CSMD3: variants seen among roughly 807,000 people sequenced by gnomAD.
CSMD3 encodes the protein CUB and Sushi multiple domains 3, also known as CUB and sushi domain-containing protein 3.
In CSMD3, 177 loss-of-function variants were observed where a neutral mutation model predicts 435.2. The observed-to-expected ratio is 0.41, with a 90% CI of 0.36 to 0.46. The LOEUF is 0.46. CSMD3 is among the 20% of genes least tolerant of loss of function. CSMD3 has a pLI of 0.34. For missense variants in CSMD3, 4,265 were observed against 4,504.6 expected (o/e 0.95, Z 1.52); for synonymous variants, 1,656 against 1,520.5 (o/e 1.09, Z -2.07).
At chr8:113,135,967 T>C (rs1218266565) in intron 4 of CSMD3, among the ~76,000 whole-genome samples, 1 of 151,908 alleles carries the variant, frequency 6.6e-6, no homozygotes, top group Non-Finnish European at 1.5e-5. Flanking sequence ...CATCTAACAG[T>C]ATTTTTAGTG....
intron 13 of CSMD3, among the ~76,000 whole-genome samples, chr8:112,701,317 T>A (rs1042385795): frequency 6.6e-6 from 1 of 152,122 alleles, no homozygotes; most frequent in African/African-American, 2.4e-5. Flanking sequence ...AATACTATAA[T>A]CATTTTAACT....
At chr8:113,392,926 C>A (rs2094466922) in intron 1 of CSMD3, among the ~76,000 whole-genome samples, 1 of 147,060 alleles carries the variant, frequency 6.8e-6, no homozygotes, top group Admixed American at 7.0e-5. Context: ...TAAATATACT[C>A]TTCTCTCTGC....
chr8:112,393,478 T>C (rs748291150), intron 35 of CSMD3, among the ~76,000 whole-genome samples: 8 of 152,208 alleles, frequency 5.3e-5, no homozygotes, highest in Non-Finnish European at 1.0e-4. Context: ...AATTTTATCA[T>C]ACTATGCTTC....
chr8:112,544,670 G>A (rs1325241974), intron 27 of CSMD3, among the ~76,000 whole-genome samples: 1 of 152,116 alleles, frequency 6.6e-6, no homozygotes. Flanking sequence ...AAACTATTCT[G>A]GATCATTTTC....
intron 3 of CSMD3, among the ~76,000 whole-genome samples, chr8:113,208,416 T>C (rs912604122): frequency 6.6e-6 from 1 of 152,252 alleles, no homozygotes; most frequent in South Asian, 2.1e-4. Context: ...ACTCTGTAGA[T>C]TGGATGTACA....
At chr8:112,739,099 G>A (rs955676431) in intron 13 of CSMD3, among the ~76,000 whole-genome samples, 1 of 151,576 alleles carries the variant, frequency 6.6e-6, no homozygotes, top group Non-Finnish European at 1.5e-5. Flanking sequence ...ATGATTATAT[G>A]ATAAAAACAC....
At chr8:112,238,721 A>T (rs917447268) in intron 66 of CSMD3, among the ~76,000 whole-genome samples, 2 of 151,756 alleles carry the variant, frequency 1.3e-5, no homozygotes, top group South Asian at 4.1e-4. Context: ...TAAATTTATA[A>T]TTTAAAAATT....
intron 3 of CSMD3, among the ~76,000 whole-genome samples, chr8:113,257,215 T>C (rs921920186): frequency 3.3e-5 from 5 of 152,070 alleles, no homozygotes; most frequent in African/African-American, 9.7e-5. Context: ...AAGACCTTCC[T>C]GGCTAACATG....
At chr8:113,107,752 T>C (rs897389880) in intron 4 of CSMD3, among the ~76,000 whole-genome samples, 4 of 152,210 alleles carry the variant, frequency 2.6e-5, no homozygotes, top group African/African-American at 9.6e-5. Context: ...GCAGCTTCAA[T>C]GGCTATATGT....
intron 32 of CSMD3, among the ~76,000 whole-genome samples, chr8:112,467,744 G>A (rs114478440): frequency 1.1e-3 from 167 of 152,222 alleles, no homozygotes; most frequent in African/African-American, 3.9e-3. Context: ...CACAGAAACA[G>A]ACAGTTAGGA....
intron 2 of CSMD3, among the ~76,000 whole-genome samples, chr8:113,303,759 A>T (rs1031552050): frequency 7.3e-6 from 1 of 136,350 alleles, no homozygotes; most frequent in African/African-American, 2.7e-5. Flanking sequence ...ACAAAAATCA[A>T]TTCAAGATGG....
intron 5 of CSMD3, among the ~76,000 whole-genome samples, chr8:113,063,384 G>T (rs540256290): frequency 1.3e-5 from 2 of 151,966 alleles, no homozygotes; most frequent in South Asian, 2.1e-4. Flanking sequence ...TTTAGAAACT[G>T]TATTGATTTA....
At chr8:113,192,032 C>A (rs574564553) in intron 3 of CSMD3, among the ~76,000 whole-genome samples, 5 of 151,654 alleles carry the variant, frequency 3.3e-5, no homozygotes, top group Non-Finnish European at 7.4e-5. Context: ...TGTTTGTTTG[C>A]CACTTCTCTA....
rs554692021 is a variant in CSMD3, at chr8:112,554,036, A to T, written c.4235-1316T>A. ...ACTAAGTTTCCTGGGGGGAAAAAAAAGAAATTCTTTCTCAAAACTTCAGCA... is the reference window on the plus strand; with the variant it reads ...ACTAAGTTTCCTGGGGGGAAAAAAATGAAATTCTTTCTCAAAACTTCAGCA... On this transcript the variant is annotated intron_variant, in intron 25 of 70. Coordinates refer to ENST00000297405, the MANE Select transcript of CSMD3 (RefSeq NM_198123.2). Among the ~76,000 whole-genome samples the T allele has an allele frequency of 2.5e-3, 387 of 152,074 alleles. 2 individuals are homozygous for T. Among genetic ancestry groups the T allele is most frequent in the African/African-American group, 9.0e-3 (372 of 41,506 alleles).
At chr8:112,969,204 T>G (rs1796143673) in intron 7 of CSMD3, among the ~76,000 whole-genome samples, 1 of 152,010 alleles carries the variant, frequency 6.6e-6, no homozygotes, top group African/African-American at 2.4e-5. Flanking sequence ...GTTTGCTGTT[T>G]TCTTATTTTT....
intron 28 of CSMD3, among the ~76,000 whole-genome samples, chr8:112,510,026 C>G (rs1822939521): frequency 6.6e-6 from 1 of 152,108 alleles, no homozygotes; most frequent in South Asian, 2.1e-4. Flanking sequence ...CACCTGTAGT[C>G]CCAAGCTAGA....
chr8:112,494,226 A>T (rs1419711187), intron 30 of CSMD3, among the ~76,000 whole-genome samples: 2 of 151,998 alleles, frequency 1.3e-5, no homozygotes, highest in African/African-American at 4.8e-5. Context: ...AAATAATTTT[A>T]ATAGAATAAC....
At chr8:112,526,485 T>G (rs1290645543) in intron 27 of CSMD3, among the ~76,000 whole-genome samples, 2 of 152,046 alleles carry the variant, frequency 1.3e-5, no homozygotes, top group Admixed American at 1.3e-4. Context: ...AAAATATTTG[T>G]ATATTTTAAC....
Position 113,406,068 on chromosome 8 carries a change from A to G in CSMD3, c.178+30609T>C, listed in dbSNP as rs190209079. Among the ~76,000 whole-genome samples the G allele has an allele frequency of 1.6e-3, 246 of 151,992 alleles. 1 individual carries two copies. The highest frequency in any genetic ancestry group is 6.0e-3 in the Admixed American group (92 of 15,266). ...GGTGTCAGAAGCTGTATATGACAAA[A>G]TTGTCAAATTTCAAAATAAGGAAGA... On this transcript the variant is annotated intron_variant, in intron 1 of 70. Transcript: ENST00000297405.
Sources: gnomAD v4.1 joint callset for allele counts (sites outside exome capture counted in the v4.1 genomes callset) on GRCh38, gnomAD v4.1.1 for gene constraint, MANE v1.5 for transcripts, NCBI Gene and HGNC (gene_info 2026-07-23, HGNC 2026-07-21) for gene names.